MCF2L2: variants seen among roughly 807,000 people sequenced by gnomAD.
MCF2L2 encodes MCF.2 cell line derived transforming sequence-like 2, also known as probable guanine nucleotide exchange factor MCF2L2.
A neutral mutation model predicts 150.2 loss-of-function variants in MCF2L2; 102 were observed. The ratio of observed to expected loss-of-function variants is 0.68; its 90% CI spans 0.58 to 0.80. The LOEUF is 0.80. MCF2L2 is among the 30% of genes least tolerant of loss of function. The probability of loss-of-function intolerance (pLI) is 0.00; values close to 1 mark genes in which losing one functional copy is unlikely to be tolerated. For synonymous variants in MCF2L2, 465 were observed against 491.3 expected, an observed-to-expected ratio of 0.95 and a Z score of 0.71; for missense variants, 1,256 against 1,372.8, an observed-to-expected ratio of 0.91 and a Z score of 1.34.
At chr3:183,295,673 C>T (rs1478384092) in intron 12 of MCF2L2, among the ~76,000 whole-genome samples, 196 bp from the exon 13 acceptor site, 3 of 152,066 alleles carry the variant, frequency 2.0e-5, no homozygotes, top group South Asian at 2.1e-4. Context: ...ATTAGCCTCT[C>T]CTACTTGAGA....
At position 183,321,871 on chromosome 3, in the gene MCF2L2, A is replaced by C. The variant is rs75542107; in HGVS notation, c.603+1364T>G. ...GGCTGGGTAATTTATAAGCAGCAGA[A>C]ATTGATTTCTCACAGTTACAGTTCT... On this transcript the variant is annotated intron_variant, in intron 6 of 29. Coordinates refer to ENST00000328913, the MANE Select transcript of MCF2L2 (RefSeq NM_015078.4). 3.7e-4 allele frequency among the ~76,000 whole-genome samples: 56 copies of C among 152,358 alleles called. No individual in the cohort carries two copies. The East Asian group carries it at 9.8e-3, about 27-fold the overall frequency.
At chr3:183,423,127 A>T (rs748130870) in intron 1 of MCF2L2, among the ~76,000 whole-genome samples, 1 of 152,204 alleles carries the variant, frequency 6.6e-6, no homozygotes, top group Non-Finnish European at 1.5e-5. Context: ...GCCCAAATAT[A>T]GTCAGATGGG....
At chr3:183,346,721 T>G (rs1161593108) in intron 3 of MCF2L2, among the ~76,000 whole-genome samples, 1 of 152,208 alleles carries the variant, frequency 6.6e-6, no homozygotes, top group Non-Finnish European at 1.5e-5. Flanking sequence ...AGTCTCAGGA[T>G]ACAAAATCAA....
At chr3:183,400,257 T>A (rs1335249981) in intron 1 of MCF2L2, 1 of 330,752 alleles carries the variant, frequency 3.0e-6, no homozygotes, top group Non-Finnish European at 6.0e-6. Flanking sequence ...AGATTTTTTT[T>A]AATGTAAAAT....
chr3:183,306,294 C>T (rs1729094256), intron 10 of MCF2L2, among the ~76,000 whole-genome samples: 1 of 152,218 alleles, frequency 6.6e-6, no homozygotes, highest in Middle Eastern at 3.4e-3. Flanking sequence ...AGTTTATATA[C>T]CTCCCACTCA....
chr3:183,327,835 C>T (rs12638548), intron 5 of MCF2L2, among the ~76,000 whole-genome samples: 35,424 of 152,076 alleles, frequency 0.23, 4,679 homozygotes, highest in African/African-American at 0.35. Flanking sequence ...GAAATGTATT[C>T]AGTCTTTGTC....
At chr3:183,337,809 T>A (rs2108537484) in intron 5 of MCF2L2, among the ~76,000 whole-genome samples, 1 of 152,238 alleles carries the variant, frequency 6.6e-6, no homozygotes, top group South Asian at 2.1e-4. Context: ...TACAGATGGG[T>A]GAAAGAGGGT....
intron 26 of MCF2L2, 92 bp from the exon 27 acceptor site, chr3:183,193,188 T>C (rs1721960240): frequency 9.7e-7 from 1 of 1,035,152 alleles, no homozygotes; most frequent in Non-Finnish European, 1.5e-6. Flanking sequence ...GCCCACCTAG[T>C]GTATCTCTGG....
At chr3:183,398,961 CTCT>C (rs1714606653) in intron 1 of MCF2L2, among the ~76,000 whole-genome samples, 1 of 152,120 alleles carries the variant, frequency 6.6e-6, no homozygotes, top group South Asian at 2.1e-4. Flanking sequence ...GGAAATCTTA[CTCT>C]TCTTTCAAAT....
At chr3:183,370,316 T>C (rs1712793328) in intron 3 of MCF2L2, among the ~76,000 whole-genome samples, 1 of 152,240 alleles carries the variant, frequency 6.6e-6, no homozygotes, top group African/African-American at 2.4e-5. Flanking sequence ...ATGCAAGCTA[T>C]AACACAGGTG....
intron 3 of MCF2L2, among the ~76,000 whole-genome samples, chr3:183,355,371 T>A (rs1034535241): frequency 6.6e-6 from 1 of 151,674 alleles, no homozygotes; most frequent in Admixed American, 6.6e-5. Flanking sequence ...TCCAACACAG[T>A]CTTACTCTTT....
At chr3:183,349,482 T>C (rs1283296436) in intron 3 of MCF2L2, among the ~76,000 whole-genome samples, 2 of 152,234 alleles carry the variant, frequency 1.3e-5, no homozygotes, top group South Asian at 2.1e-4. Flanking sequence ...AGCTTCCGAA[T>C]GTTACTGGGC....
At chr3:183,203,733 A>G (rs1359008687) in intron 25 of MCF2L2, among the ~76,000 whole-genome samples, 1 of 152,240 alleles carries the variant, frequency 6.6e-6, no homozygotes, top group Non-Finnish European at 1.5e-5. Flanking sequence ...TACCTTCAAG[A>G]AAGTCTATAA....
chr3:183,383,848 A>G (rs1713677161), intron 2 of MCF2L2, among the ~76,000 whole-genome samples: 1 of 152,184 alleles, frequency 6.6e-6, no homozygotes, highest in South Asian at 2.1e-4. Context: ...ATATAGCTAC[A>G]CTACATTTCC....
At chr3:183,242,042 G>C (rs529187155) in intron 15 of MCF2L2, among the ~76,000 whole-genome samples, 2 of 152,174 alleles carry the variant, frequency 1.3e-5, no homozygotes, top group Non-Finnish European at 2.9e-5. Flanking sequence ...TGAGAGAGAT[G>C]ATTCAGGGCA....
chr3:183,344,887 A>G (rs1730840178), intron 3 of MCF2L2, among the ~76,000 whole-genome samples: 1 of 152,228 alleles, frequency 6.6e-6, no homozygotes, highest in Admixed American at 6.5e-5. Flanking sequence ...TATCCTAAAT[A>G]TATATGCACC....
chr3:183,255,703 A>C (rs190173586), intron 15 of MCF2L2, among the ~76,000 whole-genome samples: 1 of 152,328 alleles, frequency 6.6e-6, no homozygotes, highest in Non-Finnish European at 1.5e-5. Flanking sequence ...AAGAGTTTTC[A>C]AAATAAAGTG....
chr3:183,270,334 C>T lies in MCF2L2; in HGVS notation c.1862+6538G>A, dbSNP rs180964101. The T allele has an allele frequency of 8.1e-5, 130 of 1,614,064 alleles. No individual in the cohort carries two copies. The highest frequency in any genetic ancestry group is 3.0e-5 in the Non-Finnish European group (35 of 1,179,970). On this transcript the variant is annotated intron_variant, in intron 15 of 29. Transcript: ENST00000328913. The surrounding 1 kb of genome is among the most constrained non-coding windows in gnomAD (Gnocchi z 4.5). Reference sequence around the variant, plus strand: ...AAATTACTTATGCAGTTCAGTTGGGCAAATACCTATTGTCCACATGCCAAA... The same window carrying T: ...AAATTACTTATGCAGTTCAGTTGGGTAAATACCTATTGTCCACATGCCAAA...
chr3:183,195,126 T>C (rs1722037168), intron 26 of MCF2L2, 96 bp downstream of exon 26: 1 of 1,034,230 alleles, frequency 9.7e-7, no homozygotes, highest in East Asian at 2.6e-5. Context: ...AAGCCAAGTG[T>C]TGGGGGAAGA....
Sources: gnomAD v4.1 joint callset for allele counts (sites outside exome capture counted in the v4.1 genomes callset) on GRCh38, gnomAD v4.1.1 for gene constraint, Gnocchi (gnomAD v3.1) non-coding constraint, MANE v1.5 for transcripts, NCBI Gene and HGNC (gene_info 2026-07-23, HGNC 2026-07-21) for gene names.